The following PDE4C variants were observed in gnomAD, a reference collection of about 807,000 sequenced individuals.
The protein encoded by PDE4C is 3',5'-cyclic-AMP phosphodiesterase 4C.
A neutral mutation model predicts 63.9 loss-of-function variants in PDE4C; 50 were observed. The ratio of observed to expected loss-of-function variants is 0.78; its 90% CI spans 0.62 to 0.99. The LOEUF is 0.99. Among genes scored for constraint, PDE4C ranks in the 50% least tolerant of loss-of-function variants. PDE4C has a pLI of 0.00. For synonymous variants in PDE4C, 377 were observed against 385.1 expected (o/e 0.98, Z 0.25); for missense variants, 777 against 899.1 (o/e 0.86, Z 1.74).
chr19:18,223,445 G>T (rs924869868), intron 1 of PDE4C, among the ~76,000 whole-genome samples: 2 of 151,612 alleles, frequency 1.3e-5, no homozygotes, highest in African/African-American at 4.8e-5. Context: ...CCCGACCTCA[G>T]GTGATCCGCC....
upstream of PDE4C, chr19:18,237,191 T>C (rs1208490861): frequency 1.3e-5 from 2 of 152,812 alleles, no homozygotes; most frequent in East Asian, 3.8e-4. Flanking sequence ...CTGAGTGAAT[T>C]TACCTCTCTG....
chr19:18,218,993 C>T (rs759381148), exon 9 of PDE4C: 1 of 1,613,608 alleles, frequency 6.2e-7, no homozygotes, highest in Non-Finnish European at 8.5e-7. Context: ...CTTAGCTCCG[C>T]CACCTTGAAC....
chr19:18,224,259 C>T, intron 1 of PDE4C: 1 of 985,510 alleles, frequency 1.0e-6, no homozygotes, highest in African/African-American at 1.7e-5. Flanking sequence ...TCAAGAAGGG[C>T]AGGCGGAAGC....
In PDE4C at chr19:18,233,032, C is replaced by T; in HGVS notation, c.160G>A (p.Ala54Thr). The T allele has an allele frequency of 6.5e-7, 1 of 1,548,286 alleles. No individual in the cohort carries two copies. The highest frequency in any genetic ancestry group is 8.7e-7 in the Non-Finnish European group (1 of 1,145,212). Reference sequence around the variant, plus strand: ...CTCAGGTCCCTCTCGCGGCAGCCCGCGGACTTGTCCGGATCCGAATAGAAG... The same window carrying T: ...CTCAGGTCCCTCTCGCGGCAGCCCGTGGACTTGTCCGGATCCGAATAGAAG... The change falls in exon 1 of 15, where the codon GCG becomes ACG. Residue 54 changes from alanine (A) to threonine (T), a missense_variant. Transcript: ENST00000594465.
rs368383605 is a variant in PDE4C at position 18,220,848 on chromosome 19, G to C, written c.499+26C>G. ...AGGAAGCTCCCAGCTGTCCTCAGCG[G>C]GGGAGGGAAGGAACAGGTACTTTAC... On this transcript the variant is annotated intron_variant, in intron 5 of 14. Transcript: ENST00000262805. This position sits in a 1 kb window ranked among gnomAD's most constrained non-coding sequence, Gnocchi z 5.1. The C allele has an allele frequency of 6.2e-7, 1 of 1,602,368 alleles. No homozygotes were observed. Among genetic ancestry groups the C allele is most frequent in the Non-Finnish European group, 8.5e-7 (1 of 1,174,690 alleles).
chr19:18,246,907 A>G (rs1969143870), intron 1 of PDE4C, among the ~76,000 whole-genome samples: 1 of 152,182 alleles, frequency 6.6e-6, no homozygotes, highest in African/African-American at 2.4e-5. Context: ...AGCCTGGGCG[A>G]CAGAGTGAGA....
chr19:18,245,458 C>T (rs565890686), intron 1 of PDE4C, among the ~76,000 whole-genome samples: 53 of 152,304 alleles, frequency 3.5e-4, no homozygotes, highest in African/African-American at 1.3e-3. Flanking sequence ...AGCCACCGTG[C>T]CTGGCCTCTT....
At position 18,218,338 on chromosome 19, in the gene PDE4C, A is replaced by C. The variant is rs754509086; in HGVS notation, c.1130T>G (p.Leu377Arg). The C allele has an allele frequency of 2.0e-5, 32 of 1,614,098 alleles. No individual in the cohort carries two copies. Among genetic ancestry groups the C allele is most frequent in the Non-Finnish European group, 4.2e-6 (5 of 1,180,036 alleles). ...CCTGCAGTCATGGCGCAGTACCTCGAGGGCGGGCGTAGCCAGCAGCACATG... is the reference window on the plus strand; with the variant it reads ...CCTGCAGTCATGGCGCAGTACCTCGCGGGCGGGCGTAGCCAGCAGCACATG... Residue 377 changes from leucine (L) to arginine (R), a missense_variant, in exon 10 of 15, where the codon CTC becomes CGC. Leu to Arg is a moderately radical substitution (Grantham distance 102). This residue lies in a region of PDE4C where 500 missense variants were observed against 597.8 expected (regional missense o/e 0.84). Coordinates refer to ENST00000262805, the Ensembl canonical transcript of PDE4C.
upstream of PDE4C, among the ~76,000 whole-genome samples, chr19:18,235,291 C>T (rs898601575): frequency 6.6e-6 from 1 of 152,314 alleles, no homozygotes; most frequent in South Asian, 2.1e-4. Context: ...CTGCCTCAGT[C>T]TCCCAAGTAG....
chr19:18,214,589 C>G (rs576600443), intron 12 of PDE4C, among the ~76,000 whole-genome samples: 1 of 151,966 alleles, frequency 6.6e-6, no homozygotes, highest in Admixed American at 6.6e-5. Flanking sequence ...GACTTCATAC[C>G]CCTCAAACTT....
intron 1 of PDE4C, among the ~76,000 whole-genome samples, chr19:18,240,356 A>T (rs1011888072): frequency 1.4e-5 from 2 of 138,448 alleles, no homozygotes; most frequent in Non-Finnish European, 1.5e-5. Flanking sequence ...TGAGCCCAGG[A>T]GGTTGAGACT....
At chr19:18,254,703 G>T in the PDE4C span, among the ~76,000 whole-genome samples, 1 of 152,190 alleles carries the variant, frequency 6.6e-6, no homozygotes, top group Non-Finnish European at 1.5e-5. Flanking sequence ...CAACATAGTG[G>T]CAGGTAAAGG....
chr19:18,233,425 A>G lies in PDE4C; in HGVS notation c.-234T>C, dbSNP rs1236484782. ...GCTGAAGGGTAGAACAGGGGAGAAGAACGTGGTGAGGGGGTGTTGAAGCTA... is the reference window on the plus strand; with the variant it reads ...GCTGAAGGGTAGAACAGGGGAGAAGGACGTGGTGAGGGGGTGTTGAAGCTA... On this transcript the variant is annotated 5_prime_UTR_variant, in exon 1 of 15. Coordinates refer to the PDE4C transcript ENST00000594465. The G allele has an allele frequency of 4.3e-6, 3 of 703,042 alleles. No individual in the cohort carries two copies. In the Admixed American group the frequency reaches 6.0e-5, roughly 14 times the overall value. The allele number at this position is 703,042 out of a possible 1,614,324, so 43.6% of individuals were successfully genotyped here. A position where few individuals can be genotyped will look rare whatever the true frequency, so the allele number is the denominator to read the frequency against.
chr19:18,252,616 C>T (rs564691450), upstream of PDE4C: 10 of 300,358 alleles, frequency 3.3e-5, no homozygotes, highest in African/African-American at 8.3e-5. Flanking sequence ...TTCTCTCTCT[C>T]TTTTTTTTTT....
chr19:18,224,570 G>A, intron 1 of PDE4C: 17 of 945,390 alleles, frequency 1.8e-5, no homozygotes, highest in Non-Finnish European at 2.1e-5. Flanking sequence ...GGGAGACTTC[G>A]GATAAGTTCG....
At chr19:18,253,943 C>A in the PDE4C span, among the ~76,000 whole-genome samples, 1 of 152,204 alleles carries the variant, frequency 6.6e-6, no homozygotes, top group African/African-American at 2.4e-5. Flanking sequence ...CTGCTCTGGG[C>A]CAAACTTTGT....
At chr19:18,223,297 G>A (rs1271053732) in intron 1 of PDE4C, among the ~76,000 whole-genome samples, 4 of 147,902 alleles carry the variant, frequency 2.7e-5, no homozygotes, top group South Asian at 4.3e-4. Flanking sequence ...CGCAACCTCC[G>A]CCTCCCAGGT....
chr19:18,252,198 G>T (rs78960999), upstream of PDE4C: 6,319 of 399,084 alleles, frequency 0.016, 378 homozygotes, highest in African/African-American at 0.12. Flanking sequence ...GGTGAGCTCT[G>T]CACTGGGGGA....
At chr19:18,213,236 A>T (rs911839590) in intron 13 of PDE4C, 132 bp downstream of exon 13, 6 of 685,226 alleles carry the variant, frequency 8.8e-6, no homozygotes, top group Middle Eastern at 5.5e-4. Flanking sequence ...CTGAGCCAAG[A>T]TGGCGCCACT....
Sources: gnomAD v4.1 joint callset for allele counts (sites outside exome capture counted in the v4.1 genomes callset) on GRCh38, gnomAD v4.1.1 for gene constraint, gnomAD v4.1.1 regional missense constraint, Gnocchi (gnomAD v3.1) non-coding constraint, MANE v1.5 for transcripts, NCBI Gene and HGNC (gene_info 2026-07-23, HGNC 2026-07-21) for gene names.